The following OTUB2 variants were observed in gnomAD, a reference collection of about 807,000 sequenced individuals.
OTUB2 encodes ubiquitin thioesterase OTUB2.
In OTUB2, 21 loss-of-function variants were observed where a neutral mutation model predicts 25.1. The observed-to-expected ratio is 0.84, with a 90% CI of 0.59 to 1.21. The LOEUF (loss-of-function observed/expected upper bound fraction) is 1.21, where lower values mean the gene tolerates loss of function less well. OTUB2 is among the 50% of genes most tolerant of loss of function. The pLI, the probability that OTUB2 is intolerant of heterozygous loss-of-function variation, is 0.00. For synonymous variants in OTUB2, 122 were observed against 122.8 expected, an observed-to-expected ratio of 0.99 and a Z score of 0.04; for missense variants, 283 against 298.0, an observed-to-expected ratio of 0.95 and a Z score of 0.37.
intron 5 of OTUB2, among the ~76,000 whole-genome samples, chr14:94,045,188 C>T (rs1041258752): frequency 9.9e-5 from 15 of 152,142 alleles, no homozygotes; most frequent in African/African-American, 3.6e-4. Context: ...CAGGTCCTTG[C>T]TCTTGCAGGG....
intron 1 of OTUB2, among the ~76,000 whole-genome samples, chr14:94,030,576 C>CG (rs150972590): frequency 2.6e-5 from 4 of 151,816 alleles, no homozygotes; most frequent in South Asian, 2.1e-4. Flanking sequence ...ATAACTGACC[C>CG]GGGGGGGAAG....
At chr14:94,034,563 C>G (rs1885016099) in intron 1 of OTUB2, among the ~76,000 whole-genome samples, 1 of 152,202 alleles carries the variant, frequency 6.6e-6, no homozygotes, top group Non-Finnish European at 1.5e-5. Flanking sequence ...TAATACCCAT[C>G]TCAGGAGGTG....
rs750433007 is a variant in OTUB2 at position 94,044,736 on chromosome 14, C to A, written c.454C>A (p.His152Asn). 6.2e-7 allele frequency: 1 copy of A among 1,613,832 alleles called. No homozygotes were observed. The highest frequency in any genetic ancestry group is 1.1e-5 in the South Asian group (1 of 91,078). Residue 152 changes from histidine to asparagine, a missense_variant, in exon 5 of 6, where the codon CAC becomes AAC. By Grantham distance (68) the His-to-Asn change is moderately conservative. Transcript: ENST00000203664. Reference sequence around the variant, plus strand: ...CAGGAACCGAGCAGACTTCTTCCGGCACTTCATTGATGAGGAGATGGACAT... The same window carrying A: ...CAGGAACCGAGCAGACTTCTTCCGGAACTTCATTGATGAGGAGATGGACAT... ...FIRNRADFFR[H>N]FIDEEMDIKD...
Position 94,044,071 on chromosome 14 carries a change from C to T in OTUB2, c.303+16C>T. On this transcript the variant is annotated intron_variant, in intron 4 of 5. Transcript: ENST00000203664. Reference sequence around the variant, plus strand: ...CTTCAATGCTGTGAGTTCACCTGGTCCCTCCTTCCACACTGGCAGAGCAGA... The same window carrying T: ...CTTCAATGCTGTGAGTTCACCTGGTTCCTCCTTCCACACTGGCAGAGCAGA... 6.2e-7 allele frequency: 1 copy of T among 1,610,034 alleles called. No homozygotes were observed. Among genetic ancestry groups the T allele is most frequent in the Non-Finnish European group, 8.5e-7 (1 of 1,176,318 alleles).
intron 2 of OTUB2, 93 bp downstream of exon 2, chr14:94,037,568 G>T: frequency 1.3e-6 from 1 of 783,888 alleles, no homozygotes; most frequent in Non-Finnish European, 2.0e-6. Context: ...CGATAGTTTG[G>T]GCCAGGTTCC....
Position 94,044,615 on chromosome 14 carries a change from G to A in OTUB2, c.333G>A (p.Lys111=), listed in dbSNP as rs1205790777. 6.2e-7 allele frequency: 1 copy of A among 1,614,086 alleles called. No individual in the cohort carries two copies. The highest frequency in any genetic ancestry group is 8.5e-7 in the Non-Finnish European group (1 of 1,179,972). ...ACAGTGTGGTGGAACTGGTAGAGAA[G>A]GATGGCTCAGTGTCCAGCCTGCTGA... is the stretch of plus-strand genomic sequence containing the variant. ...AFYSVVELVE[K]DGSVSSLLKV... is the part of the protein sequence containing the mutation. The change falls in exon 5 of 6, where the codon AAG becomes AAA. Residue 111 remains lysine, a synonymous_variant. Coordinates refer to ENST00000203664, the MANE Select transcript of OTUB2 (RefSeq NM_023112.4).
rs1193021511 is a variant in OTUB2, at chr14:94,026,420, A to G, written c.-118A>G. The G allele has an allele frequency of 4.7e-6, 6 of 1,288,942 alleles. No homozygotes were observed. The highest frequency in any genetic ancestry group is 5.9e-6 in the Non-Finnish European group (6 of 1,017,402). The allele number at this position is 1,288,942 out of a possible 1,614,324, so 79.8% of individuals were successfully genotyped here. On this transcript the variant is annotated 5_prime_UTR_variant, in exon 1 of 6. Transcript: ENST00000203664. ...GTCGGGTGTATTCTCCGCCGCCCCC[A>G]CGCCCTCGAGGTCCCCGCCACCGAA...
chr14:94,037,418 C>T lies in OTUB2; in HGVS notation c.42C>T (p.Asp14=). Residue 14 remains aspartate, a synonymous_variant, in exon 2 of 6, where the codon GAC becomes GAT. Coordinates refer to ENST00000203664, the MANE Select transcript of OTUB2 (RefSeq NM_023112.4). ...TCAACCTAATATCAGAAAAATGTGA[C>T]ATTCTATCCATTCTTCGGGACCATC... ...TSFNLISEKC[D]ILSILRDHPE... 1 of 1,604,512 alleles carries T rather than the reference C, an allele frequency of 6.2e-7. No homozygotes were observed. Among genetic ancestry groups the T allele is most frequent in the South Asian group, 1.1e-5 (1 of 90,742 alleles).
intron 1 of OTUB2, among the ~76,000 whole-genome samples, chr14:94,031,873 A>G (rs1336926981): frequency 6.6e-6 from 1 of 152,218 alleles, no homozygotes; most frequent in East Asian, 1.9e-4. Context: ...AGGTGGCCTA[A>G]TTAGGTCTGA....
intron 1 of OTUB2, among the ~76,000 whole-genome samples, chr14:94,033,850 C>T (rs9323899): frequency 0.068 from 10,293 of 152,202 alleles, 1,083 homozygotes; most frequent in African/African-American, 0.23. Context: ...TGTATTAGCA[C>T]GCAGTATGAG....
At chr14:94,041,694 C>T (rs76464603) in intron 3 of OTUB2, among the ~76,000 whole-genome samples, 7 of 152,296 alleles carry the variant, frequency 4.6e-5, no homozygotes, top group Non-Finnish European at 8.8e-5. Context: ...TGCCTACCCA[C>T]CCTGAGTTCT....
At chr14:94,026,570 G>C in intron 1 of OTUB2, 30 bp downstream of exon 1, 3 of 1,237,882 alleles carry the variant, frequency 2.4e-6, no homozygotes, top group Non-Finnish European at 2.0e-6. Flanking sequence ...CGCGAAGGGG[G>C]AGCGGGCAGG....
At chr14:94,044,442 C>CA in intron 4 of OTUB2, 144 bp from the exon 5 acceptor site, 1 of 898,712 alleles carries the variant, frequency 1.1e-6, no homozygotes, top group Non-Finnish European at 1.6e-6. Flanking sequence ...GGCAGAATCT[C>CA]AGACTGATTT....
chr14:94,046,088 A>G lies in OTUB2; in HGVS notation c.*166A>G, dbSNP rs1378194574. 1.4e-6 allele frequency: 1 copy of G among 707,478 alleles called. No homozygotes were observed. Among genetic ancestry groups the G allele is most frequent in the Non-Finnish European group, 2.3e-6 (1 of 430,578 alleles). The allele number at this position is 707,478 out of a possible 1,614,324, so 43.8% of individuals were successfully genotyped here. ...GGCCTATCCACTATGGACTATGGTA[A>G]CTTGGTAGGATTTTTAGTATTTATT... On this transcript the variant is annotated 3_prime_UTR_variant, in exon 6 of 6. Transcript: ENST00000203664.
intron 1 of OTUB2, among the ~76,000 whole-genome samples, chr14:94,033,836 T>C (rs1885002663): frequency 6.6e-6 from 1 of 152,230 alleles, no homozygotes; most frequent in Non-Finnish European, 1.5e-5. Context: ...CTATGAATAT[T>C]TGCTGTATTA....
intron 1 of OTUB2, among the ~76,000 whole-genome samples, chr14:94,030,554 C>A (rs1884941252): frequency 6.6e-6 from 1 of 151,348 alleles, no homozygotes; most frequent in Non-Finnish European, 1.5e-5. Context: ...AGGGTCTCTG[C>A]AAAGCCAGCT....
rs374276478 is a variant in OTUB2 at position 94,029,823 on chromosome 14, G to A, written c.3+3283G>A. 1.8e-4 allele frequency among the ~76,000 whole-genome samples: 28 copies of A among 152,284 alleles called. 2 individuals carry two copies. In the East Asian group the frequency reaches 2.3e-3, roughly 13 times the overall value. On this transcript the variant is annotated intron_variant, in intron 1 of 5. Coordinates refer to ENST00000203664, the MANE Select transcript of OTUB2 (RefSeq NM_023112.4). ...AATTGGCATTCCAGTGGAGGGAGCC[G>A]GGCAGCATGCGGGTAAACAGGCGAG...
chr14:94,035,335 G>T (rs372997715), intron 1 of OTUB2, among the ~76,000 whole-genome samples: 1 of 136,994 alleles, frequency 7.3e-6, no homozygotes, highest in Non-Finnish European at 1.5e-5. Context: ...TGTCACCCAG[G>T]CTGGAGTGCA....
At chr14:94,036,800 C>A (rs1414578850) in intron 1 of OTUB2, among the ~76,000 whole-genome samples, 1 of 152,154 alleles carries the variant, frequency 6.6e-6, no homozygotes, top group Non-Finnish European at 1.5e-5. Flanking sequence ...ATCTCTGACA[C>A]CTTCTCTGGC....
Sources: allele counts gnomAD v4.1 joint callset (sites outside exome capture counted in the v4.1 genomes callset), GRCh38; gene constraint gnomAD v4.1.1; transcripts MANE v1.5; gene names NCBI Gene and HGNC (gene_info 2026-07-23, HGNC 2026-07-21).